CYP39A1: variants seen among roughly 807,000 people sequenced by gnomAD.
CYP39A1 encodes the protein 24-hydroxycholesterol 7-alpha-hydroxylase.
In CYP39A1, 49 loss-of-function variants were observed where a neutral mutation model predicts 58.1. The ratio of observed to expected loss-of-function variants is 0.84; its 90% CI spans 0.67 to 1.07. CYP39A1 has a LOEUF of 1.07. Among genes scored for constraint, CYP39A1 ranks in the 50% least tolerant of loss-of-function variants. The pLI is 0.00. For missense variants in CYP39A1, 531 were observed against 539.4 expected (o/e 0.98, Z 0.16); for synonymous variants, 209 against 187.6 (o/e 1.11, Z -0.93).
At chr6:46,561,724 G>A (rs929636344) in intron 10 of CYP39A1, among the ~76,000 whole-genome samples, 1 of 152,098 alleles carries the variant, frequency 6.6e-6, no homozygotes, top group African/African-American at 2.4e-5. Flanking sequence ...CAACATATAG[G>A]AGGTATTCAA....
chr6:46,592,050 A>C (rs1426215182), intron 8 of CYP39A1, among the ~76,000 whole-genome samples: 3 of 152,178 alleles, frequency 2.0e-5, no homozygotes, highest in Non-Finnish European at 4.4e-5. Flanking sequence ...TAAACATATA[A>C]AACCTTGAAA....
At chr6:46,630,130 C>CAACAA (rs574156222) in intron 6 of CYP39A1, among the ~76,000 whole-genome samples, 2,622 of 151,394 alleles carry the variant, frequency 0.017, 83 homozygotes, top group African/African-American at 0.061. Context: ...ACAACAACAA[C>CAACAA]AAAAAAACCC....
rs1771429018 is a variant in CYP39A1, at chr6:46,568,808, G to A, written c.1251-14954C>T. 3.3e-5 allele frequency among the ~76,000 whole-genome samples: 5 copies of A among 152,000 alleles called. No individual in the cohort carries two copies. The South Asian group carries it at 1.0e-3, about 32-fold the overall frequency. ...TTACTGCAGCTTTGTAGTAAGTTTTGCAATCAGAAAATGAGAGTCCTCCAT... is the reference window on the plus strand; with the variant it reads ...TTACTGCAGCTTTGTAGTAAGTTTTACAATCAGAAAATGAGAGTCCTCCAT... On this transcript the variant is annotated intron_variant, in intron 10 of 11. Transcript: ENST00000275016.
chr6:46,639,994 C>A (rs1776231966), intron 2 of CYP39A1, among the ~76,000 whole-genome samples: 1 of 152,126 alleles, frequency 6.6e-6, no homozygotes, highest in Non-Finnish European at 1.5e-5. Flanking sequence ...CACCTGTAAT[C>A]CCAGCTACTG....
At chr6:46,637,787 A>T (rs895880353) in intron 4 of CYP39A1, 42 bp downstream of exon 4, 10 of 1,594,024 alleles carry the variant, frequency 6.3e-6, no homozygotes, top group Middle Eastern at 2.1e-4. Flanking sequence ...AATTGCTGAG[A>T]TAAGCTTGGT....
chr6:46,586,089 G>T lies in CYP39A1; in HGVS notation c.1250+988C>A, dbSNP rs528454980. Among the ~76,000 whole-genome samples, 27 of 152,200 alleles carry T rather than the reference G, an allele frequency of 1.8e-4. No individual in the cohort carries two copies. In the South Asian group the frequency reaches 5.6e-3, roughly 32 times the overall value. ...CCTAAAATGAGGATAGAATTTCCAT[G>T]ATTGGCTATGACTGATTAATACTAT... On this transcript the variant is annotated intron_variant, in intron 10 of 11. Coordinates refer to ENST00000275016, the MANE Select transcript of CYP39A1 (RefSeq NM_016593.5).
At chr6:46,554,873 C>A (rs1208154945) in intron 10 of CYP39A1, among the ~76,000 whole-genome samples, 1 of 152,106 alleles carries the variant, frequency 6.6e-6, no homozygotes, top group Non-Finnish European at 1.5e-5. Flanking sequence ...TCCAGTCCCT[C>A]CATGACTCCC....
chr6:46,652,804 G>T lies in CYP39A1; in HGVS notation c.-222C>A. 2.0e-6 allele frequency: 1 copy of T among 497,436 alleles called. No individual in the cohort carries two copies. The highest frequency in any genetic ancestry group is 3.5e-6 in the Non-Finnish European group (1 of 287,452). The allele number at this position is 497,436 out of a possible 1,614,324, so 30.8% of individuals were successfully genotyped here. A position where few individuals can be genotyped will look rare whatever the true frequency, so the allele number is the denominator to read the frequency against. ...TCCACTTCTCTTTGAATCTCAGCCA[G>T]CGCGGAAAAAATGCAAGGAGGGGCA... On this transcript the variant is annotated 5_prime_UTR_variant, in exon 1 of 12. The change creates a new upstream start codon in the 5' untranslated region. Transcript: ENST00000275016.
chr6:46,643,444 A>G (rs1361406655), intron 1 of CYP39A1, among the ~76,000 whole-genome samples: 1 of 152,236 alleles, frequency 6.6e-6, no homozygotes, highest in Non-Finnish European at 1.5e-5. Context: ...TTAAGCCACC[A>G]GAAAATGAAG....
chr6:46,593,163 G>A (rs188309133), intron 8 of CYP39A1, among the ~76,000 whole-genome samples: 205 of 152,186 alleles, frequency 1.3e-3, no homozygotes, highest in South Asian at 2.9e-3. Context: ...CTATATTAAT[G>A]TCATACAAAG....
At chr6:46,617,885 C>A (rs1774709923) in intron 7 of CYP39A1, among the ~76,000 whole-genome samples, 1 of 152,112 alleles carries the variant, frequency 6.6e-6, no homozygotes, top group African/African-American at 2.4e-5. Context: ...TCTTGTAGGG[C>A]AATATTAGAC....
At chr6:46,640,862 C>T (rs554505520) in intron 2 of CYP39A1, among the ~76,000 whole-genome samples, 10 of 147,266 alleles carry the variant, frequency 6.8e-5, no homozygotes, top group East Asian at 4.1e-4. Context: ...TTTTGTATTT[C>T]GTCATCCTAT....
At chr6:46,578,807 A>G (rs1433846372) in intron 10 of CYP39A1, among the ~76,000 whole-genome samples, 3 of 151,956 alleles carry the variant, frequency 2.0e-5, no homozygotes, top group African/African-American at 7.2e-5. Context: ...TCGTTATTAT[A>G]TTATAATCTA....
intron 11 of CYP39A1, among the ~76,000 whole-genome samples, chr6:46,552,803 G>A (rs1388661911): frequency 6.6e-6 from 1 of 152,070 alleles, no homozygotes; most frequent in Non-Finnish European, 1.5e-5. Context: ...GCAAATTCTG[G>A]GCCAGGTGCT....
intron 10 of CYP39A1, among the ~76,000 whole-genome samples, chr6:46,560,838 G>A (rs1196218635): frequency 6.6e-6 from 1 of 152,142 alleles, no homozygotes; most frequent in African/African-American, 2.4e-5. Context: ...AGGAAATTGA[G>A]GAAGATGAGC....
At chr6:46,569,869 G>C (rs1196008207) in intron 10 of CYP39A1, among the ~76,000 whole-genome samples, 1 of 151,940 alleles carries the variant, frequency 6.6e-6, no homozygotes, top group Non-Finnish European at 1.5e-5. Context: ...TTTTGTGTCA[G>C]GGTAATGCTT....
At chr6:46,590,398 T>G (rs1269242211) in intron 8 of CYP39A1, among the ~76,000 whole-genome samples, 1 of 152,018 alleles carries the variant, frequency 6.6e-6, no homozygotes, top group Non-Finnish European at 1.5e-5. Flanking sequence ...TCAAGAAAGG[T>G]GCTCAGAGCT....
Position 46,586,248 on chromosome 6 carries a change from G to A in CYP39A1, c.1250+829C>T, listed in dbSNP as rs1034961866. 6 of 983,430 alleles carry A rather than the reference G, an allele frequency of 6.1e-6. No individual in the cohort carries two copies. In the Admixed American group the frequency reaches 3.1e-4, roughly 51 times the overall value. 60.9% of individuals were successfully genotyped at this position (983,430 alleles called of 1,614,324 possible). A position where few individuals can be genotyped will look rare whatever the true frequency, so the allele number is the denominator to read the frequency against. ...GCATTATTGTTCAAATAATGAAGAGGACTGACTTCAAGAAACTACAATTTT... is the reference window on the plus strand; with the variant it reads ...GCATTATTGTTCAAATAATGAAGAGAACTGACTTCAAGAAACTACAATTTT... On this transcript the variant is annotated intron_variant, in intron 10 of 11. Transcript: ENST00000275016.
chr6:46,630,089 C>T (rs759396843), intron 6 of CYP39A1, among the ~76,000 whole-genome samples: 1 of 151,404 alleles, frequency 6.6e-6, no homozygotes, highest in African/African-American at 2.4e-5. Context: ...GAATGAGACA[C>T]CATCTCAAAA....
Sources: allele counts gnomAD v4.1 joint callset (sites outside exome capture counted in the v4.1 genomes callset), GRCh38; gene constraint gnomAD v4.1.1; transcripts MANE v1.5; gene names NCBI Gene and HGNC (gene_info 2026-07-23, HGNC 2026-07-21).